PCDHGB4: variants seen among roughly 807,000 people sequenced by gnomAD.
PCDHGB4 encodes the protein protocadherin gamma-B4.
In PCDHGB4, 38 loss-of-function variants were observed where a neutral mutation model predicts 60.5. The observed-to-expected ratio is 0.63, with a 90% confidence interval of 0.48 to 0.82. The LOEUF (loss-of-function observed/expected upper bound fraction) is 0.82. PCDHGB4 is among the 40% of genes least tolerant of loss of function. The probability of loss-of-function intolerance (pLI) is 0.00; values close to 1 mark genes in which losing one functional copy is unlikely to be tolerated. For missense variants in PCDHGB4, 1,109 were observed against 1,209.6 expected, an observed-to-expected ratio of 0.92 and a Z score of 1.23; for synonymous variants, 456 against 509.7, an observed-to-expected ratio of 0.89 and a Z score of 1.42.
At chr5:141,503,230 G>A (rs911238781) in intron 2 of PCDHGB4, among the ~76,000 whole-genome samples, 1 of 152,006 alleles carries the variant, frequency 6.6e-6, no homozygotes, top group African/African-American at 2.4e-5. Context: ...CCGTAAAGAT[G>A]GACAGTTTCT....
At chr5:141,413,344 G>A in intron 1 of PCDHGB4, 1 of 1,613,986 alleles carries the variant, frequency 6.2e-7, no homozygotes. Context: ...CAAGGACTTG[G>A]GTCTGGCGCC....
At chr5:141,399,183 T>A (rs777520935) in intron 1 of PCDHGB4, 4 of 1,613,764 alleles carry the variant, frequency 2.5e-6, no homozygotes, top group Non-Finnish European at 3.4e-6. Context: ...TTGAAATGAT[T>A]CTGGAAAACG....
chr5:141,447,849 G>A (rs2154561912), intron 1 of PCDHGB4, among the ~76,000 whole-genome samples: 1 of 152,306 alleles, frequency 6.6e-6, no homozygotes, highest in East Asian at 1.9e-4. Context: ...GCTTTGGGAG[G>A]CCGAGGTGGG....
At chr5:141,494,724 T>C in intron 1 of PCDHGB4, 83 bp from the exon 2 acceptor site, 1 of 1,606,108 alleles carries the variant, frequency 6.2e-7, no homozygotes, top group South Asian at 1.1e-5. Flanking sequence ...CCCCTCCTTC[T>C]CTCCCGGCCC....
chr5:141,490,869 A>G lies in PCDHGB4; in HGVS notation c.2398-3938A>G, dbSNP rs764138126. ...GGGTTCGAGACTCCGGCTCTCCCCCATTGCATGCCAACACATCTCTGCATG... is the reference window on the plus strand; with the variant it reads ...GGGTTCGAGACTCCGGCTCTCCCCCGTTGCATGCCAACACATCTCTGCATG... On this transcript the variant is annotated intron_variant, in intron 1 of 3. Transcript: ENST00000519479. This position sits in a 1 kb window ranked among gnomAD's most constrained non-coding sequence, Gnocchi z 5.4. 4.3e-6 allele frequency: 7 copies of G among 1,613,784 alleles called. No homozygotes were observed. The highest frequency in any genetic ancestry group is 1.7e-5 in the Admixed American group (1 of 60,004).
At chr5:141,430,979 C>A (rs370494413) in intron 1 of PCDHGB4, 2 of 1,613,642 alleles carry the variant, frequency 1.2e-6, no homozygotes, top group Non-Finnish European at 1.7e-6. Context: ...TAGGACGCAG[C>A]TTTTCGCCCT....
intron 1 of PCDHGB4, chr5:141,390,668 A>C: frequency 5.2e-6 from 1 of 191,616 alleles, no homozygotes; most frequent in South Asian, 1.1e-4. Flanking sequence ...ATAAATATAA[A>C]AATAATAAAG....
Position 141,430,658 on chromosome 5 carries a change from G to A in PCDHGB4, c.2397+40377G>A, listed in dbSNP as rs1350572230. ...CCTGGGAGTATGTGGAAACAACGGA[G>A]GAGCTCTGACTTCCCAACTGTCCCA... On this transcript the variant is annotated intron_variant, in intron 1 of 3. Coordinates refer to ENST00000519479, the MANE Select transcript of PCDHGB4 (RefSeq NM_003736.4). The A allele has an allele frequency of 7.2e-6, 8 of 1,105,688 alleles. No individual in the cohort carries two copies. The African/African-American group carries it at 9.5e-5, about 13-fold the overall frequency. The allele number at this position is 1,105,688 out of a possible 1,614,324, so 68.5% of individuals were successfully genotyped here. A position where few individuals can be genotyped will look rare whatever the true frequency, so the allele number is the denominator to read the frequency against.
rs1169859236 is a variant in PCDHGB4, at chr5:141,387,968, G to C, written c.84G>C (p.Ala28=). ...FLFLLSLFCP[A]LCEQIRYRIP... is the part of the protein sequence containing the mutation. The stretch of plus-strand genomic sequence containing the variant: ...TCCTGCTGTCTTTGTTCTGCCCGGC[G>C]CTCTGTGAGCAGATCCGCTACAGGA... The change falls in exon 1 of 4, where the codon GCG becomes GCC. Residue 28 remains alanine (A), a synonymous_variant. Transcript: ENST00000519479. 6.7e-7 allele frequency: 1 copy of C among 1,489,402 alleles called. No homozygotes were observed. Among genetic ancestry groups the C allele is most frequent in the Non-Finnish European group, 9.0e-7 (1 of 1,109,600 alleles). 92.3% of individuals were successfully genotyped at this position (1,489,402 alleles called of 1,614,324 possible).
chr5:141,451,256 A>T (rs376288655), intron 1 of PCDHGB4, among the ~76,000 whole-genome samples: 1 of 152,212 alleles, frequency 6.6e-6, no homozygotes, highest in African/African-American at 2.4e-5. Context: ...GTGGATCAGG[A>T]CTGGGTATAG....
At chr5:141,450,729 C>T (rs370122389) in intron 1 of PCDHGB4, among the ~76,000 whole-genome samples, 3 of 152,048 alleles carry the variant, frequency 2.0e-5, no homozygotes, top group Non-Finnish European at 2.9e-5. Context: ...TCAGGTGATC[C>T]GCCCGCCTTG....
chr5:141,503,912 A>AAC (rs34419983), intron 2 of PCDHGB4, among the ~76,000 whole-genome samples: 3 of 152,280 alleles, frequency 2.0e-5, no homozygotes, highest in East Asian at 3.9e-4. Context: ...CACACAACGC[A>AAC]ACACACACAC....
rs13436338 is a variant in PCDHGB4, at chr5:141,468,261, G to A, written c.2398-26546G>A. On this transcript the variant is annotated intron_variant, in intron 1 of 3. Coordinates refer to ENST00000519479, the MANE Select transcript of PCDHGB4 (RefSeq NM_003736.4). ...AATTGCCTGAACCTGGGAGGCAGAG[G>A]TTGTGGTGAGCCGAGACCACGCCAT... Among the ~76,000 whole-genome samples, 391 of 149,216 alleles carry A rather than the reference G, an allele frequency of 2.6e-3. 2 individuals are homozygous for A. Among genetic ancestry groups the A allele is most frequent in the African/African-American group, 9.3e-3 (377 of 40,498 alleles).
At position 141,477,687 on chromosome 5, in the gene PCDHGB4, C is replaced by A. The variant is rs1206813120; in HGVS notation, c.2398-17120C>A. The A allele has an allele frequency of 5.6e-6, 9 of 1,614,022 alleles. No homozygotes were observed. The highest frequency in any genetic ancestry group is 7.6e-6 in the Non-Finnish European group (9 of 1,180,040). ...AATGGCATAGTGTCATCCTTAGTGC[C>A]CCTAGACTATGAGGATCGGCGGGAA... On this transcript the variant is annotated intron_variant, in intron 1 of 3. Coordinates refer to ENST00000519479, the MANE Select transcript of PCDHGB4 (RefSeq NM_003736.4). This position sits in a 1 kb window ranked among gnomAD's most constrained non-coding sequence, Gnocchi z 4.9.
At chr5:141,413,664 T>G in intron 1 of PCDHGB4, 1 of 1,613,858 alleles carries the variant, frequency 6.2e-7, no homozygotes, top group Non-Finnish European at 8.5e-7. Flanking sequence ...AAGCTATTGA[T>G]CCGGATGTGG....
At chr5:141,394,686 G>A in intron 1 of PCDHGB4, 4 of 1,612,316 alleles carry the variant, frequency 2.5e-6, no homozygotes, top group Non-Finnish European at 3.4e-6. Context: ...GCACACGGGC[G>A]AGGTGCGCAC....
At chr5:141,410,366 G>A (rs3749767) in intron 1 of PCDHGB4, 379,797 of 1,613,758 alleles carry the variant, frequency 0.24, 48,670 homozygotes, top group African/African-American at 0.5. Context: ...TCTCAGCCCT[G>A]CTACTTGGGA....
At chr5:141,422,639 C>A (rs777330051) in intron 1 of PCDHGB4, 1 of 1,612,780 alleles carries the variant, frequency 6.2e-7, no homozygotes, top group South Asian at 1.1e-5. Context: ...AGGGGTGCCT[C>A]CATCTTCTCA....
At chr5:141,495,437 C>T (rs2099761356) in intron 2 of PCDHGB4, among the ~76,000 whole-genome samples, 1 of 152,178 alleles carries the variant, frequency 6.6e-6, no homozygotes, top group East Asian at 1.9e-4. Flanking sequence ...GTCCTCTGCC[C>T]CTACTTGTCC....
Sources: allele counts gnomAD v4.1 joint callset (sites outside exome capture counted in the v4.1 genomes callset), GRCh38; gene constraint gnomAD v4.1.1; non-coding constraint Gnocchi (gnomAD v3.1); transcripts MANE v1.5; gene names NCBI Gene and HGNC (gene_info 2026-07-23, HGNC 2026-07-21).